Variants in GNAS observed in about 807,000 individuals in gnomAD.
GNAS encodes the protein GNAS complex locus, also known as protein ALEX.
In GNAS, 8 loss-of-function variants were observed where a neutral mutation model predicts 54.5. That is an observed-to-expected ratio of 0.15 (90% CI 0.09 to 0.26). GNAS has a LOEUF of 0.26. Ranked by LOEUF, GNAS falls within the 10% of genes least tolerant of loss-of-function variation. GNAS has a pLI of 1.00. For missense variants in GNAS, 170 were observed against 529.8 expected (o/e 0.32, Z 6.67); for synonymous variants, 204 against 191.4 (o/e 1.07, Z -0.54).
At chr20:58,874,430 A>G (rs899673536) in intron 1 of GNAS, among the ~76,000 whole-genome samples, 2 of 152,230 alleles carry the variant, frequency 1.3e-5, no homozygotes, top group African/African-American at 4.8e-5. Context: ...GAAATCTTCT[A>G]TGTCTAGGAT....
chr20:58,889,073 G>T (rs1406078397), upstream of GNAS: 160 of 1,018,848 alleles, frequency 1.6e-4, no homozygotes, highest in Non-Finnish European at 1.9e-4. Context: ...CCGATTTTTC[G>T]CGCTTCCCCT....
intron 2 of GNAS, 47 bp downstream of exon 2, chr20:58,895,731 C>T (rs1454624433): frequency 9.4e-7 from 1 of 1,066,118 alleles, no homozygotes; most frequent in Admixed American, 1.7e-5. Flanking sequence ...GAGGAACAGA[C>T]TTTATACTAA....
chr20:58,904,181 A>G (rs1056231245), intron 5 of GNAS, among the ~76,000 whole-genome samples: 7 of 152,180 alleles, frequency 4.6e-5, no homozygotes, highest in East Asian at 3.8e-4. Context: ...ACAAAACTGT[A>G]TGTTAAATAT....
chr20:58,876,154 A>G (rs2087799374), intron 1 of GNAS, among the ~76,000 whole-genome samples: 1 of 152,226 alleles, frequency 6.6e-6, no homozygotes, highest in African/African-American at 2.4e-5. Flanking sequence ...ATACTCTTAT[A>G]GAAACCCAAA....
Position 58,855,843 on chromosome 20 carries a change from T to C in GNAS, c.43+14957T>C, listed in dbSNP as rs550496240. The C allele has an allele frequency of 3.2e-4, 188 of 585,954 alleles. 3 individuals carry two copies. In the South Asian group the frequency reaches 3.8e-3, roughly 12 times the overall value. 36.3% of individuals were successfully genotyped at this position (585,954 alleles called of 1,614,324 possible). A position where few individuals can be genotyped will look rare whatever the true frequency, so the allele number is the denominator to read the frequency against. ...TTCGCCTGTGCATGATACGCTGAAG[T>C]GTCCCCTGTTCCTATCCCGGCACCC... On this transcript the variant is annotated intron_variant, in intron 1 of 12. Coordinates refer to the GNAS transcript ENST00000306090.
intron 1 of GNAS, among the ~76,000 whole-genome samples, chr20:58,875,942 C>A (rs1180817059): frequency 1.3e-5 from 2 of 152,212 alleles, no homozygotes; most frequent in African/African-American, 4.8e-5. Flanking sequence ...AATAAGCCAG[C>A]AGCAAAACAA....
At chr20:58,882,445 T>C (rs544054373) in intron 1 of GNAS, among the ~76,000 whole-genome samples, 2 of 152,342 alleles carry the variant, frequency 1.3e-5, no homozygotes, top group South Asian at 2.1e-4. Context: ...TCCGTGCTTG[T>C]GGCAAAAGGC....
upstream of GNAS, chr20:58,889,136 T>C (rs1378438969): frequency 2.5e-6 from 3 of 1,197,208 alleles, no homozygotes; most frequent in South Asian, 1.4e-5. Flanking sequence ...GGCTGGGGCG[T>C]CATCGGGGCC....
intron 1 of GNAS, chr20:58,892,166 T>C (rs1417739277): frequency 3.1e-5 from 30 of 959,706 alleles, no homozygotes; most frequent in Non-Finnish European, 3.7e-5. Flanking sequence ...TCTTTCTCTC[T>C]TTCTCTCTTT....
rs2091407918 is a variant in GNAS, at chr20:58,911,078, T to C, written c.*249T>C. 4 of 644,988 alleles carry C rather than the reference T, an allele frequency of 6.2e-6. No individual in the cohort carries two copies. The highest frequency in any genetic ancestry group is 8.5e-6 in the Non-Finnish European group (3 of 352,388). The allele number at this position is 644,988 out of a possible 1,614,324, so 40.0% of individuals were successfully genotyped here. A position where few individuals can be genotyped will look rare whatever the true frequency, so the allele number is the denominator to read the frequency against. On this transcript the variant is annotated 3_prime_UTR_variant, in exon 13 of 13. Transcript: ENST00000371085. Reference sequence around the variant, plus strand: ...AGTTCCCTCTCACTTTCAGTAAAAATAAATAAAACAGCAGCAGCAAACAAA... The same window carrying C: ...AGTTCCCTCTCACTTTCAGTAAAAACAAATAAAACAGCAGCAGCAAACAAA...
chr20:58,860,477 C>T (rs35113254), intron 1 of GNAS, among the ~76,000 whole-genome samples: 43,822 of 151,788 alleles, frequency 0.29, 8,069 homozygotes, highest in African/African-American at 0.52. Flanking sequence ...ATAAGTATAG[C>T]GTTAGAATGT....
chr20:58,873,670 G>A lies in GNAS; in HGVS notation c.44-21942G>A, dbSNP rs116445766. On this transcript the variant is annotated intron_variant, in intron 1 of 12. Coordinates refer to the GNAS transcript ENST00000306090. This position sits in a 1 kb window ranked among gnomAD's most constrained non-coding sequence, Gnocchi z 4.3. ...CCTTAGAAGGACGAATCCTTGCCTG[G>A]TCGGTGAGTTTGCCTCAATTCGGGC... Among the ~76,000 whole-genome samples, 1,331 of 152,282 alleles carry A rather than the reference G, an allele frequency of 8.7e-3. 18 individuals are homozygous for A. Among genetic ancestry groups the A allele is most frequent in the African/African-American group, 0.03 (1,256 of 41,548 alleles).
chr20:58,894,965 G>T (rs149691230), intron 1 of GNAS, among the ~76,000 whole-genome samples: 1,787 of 152,294 alleles, frequency 0.012, 36 homozygotes, highest in African/African-American at 0.041. Context: ...TCTTTAGAAA[G>T]ATATAGTTTG....
In GNAS at chr20:58,910,118, C is replaced by T. The variant is rs1446944041; in HGVS notation, c.970+37C>T. On this transcript the variant is annotated intron_variant, in intron 11 of 12. Coordinates refer to ENST00000371085, the MANE Select transcript of GNAS (RefSeq NM_000516.7). This position sits in a 1 kb window ranked among gnomAD's most constrained non-coding sequence, Gnocchi z 5.8. The stretch of plus-strand genomic sequence containing the variant: ...TTCCACTCTTGCTGGCTGTTCATTG[C>T]GGTGGTTCTTTTTCAAACGGTCAGG... 6.2e-6 allele frequency: 10 copies of T among 1,606,692 alleles called. No individual in the cohort carries two copies. Among genetic ancestry groups the T allele is most frequent in the African/African-American group, 2.7e-5 (2 of 74,720 alleles).
At chr20:58,855,194 G>A (rs750016628) in intron 1 of GNAS, 3 of 1,605,312 alleles carry the variant, frequency 1.9e-6, no homozygotes, top group Admixed American at 1.7e-5. Flanking sequence ...CCCTGGCGGA[G>A]AAGCGCAGAC....
intron 1 of GNAS, chr20:58,855,251 G>A (rs1232296238): frequency 6.3e-7 from 1 of 1,590,326 alleles, no homozygotes; most frequent in Non-Finnish European, 8.6e-7. Flanking sequence ...AGCGCGCAGA[G>A]AAGAAACGCA....
In GNAS at chr20:58,857,969, G is replaced by A. The variant is rs978589948; in HGVS notation, c.43+17083G>A. Among the ~76,000 whole-genome samples, 1 of 152,176 alleles carries A rather than the reference G, an allele frequency of 6.6e-6. No homozygotes were observed. The highest frequency in any genetic ancestry group is 6.5e-5 in the Admixed American group (1 of 15,282). ...AAACCATGGGCCATGTCTAACATAA[G>A]CCTGAAATATGATAGCCAGTGTTAG... On this transcript the variant is annotated intron_variant, in intron 1 of 12. Transcript: ENST00000306090. This position sits in a 1 kb window ranked among gnomAD's most constrained non-coding sequence, Gnocchi z 4.1.
Position 58,910,543 on chromosome 20 carries a change from C to G in GNAS, c.1039-140C>G. ...CGCACATCCAGTGTGGATTTGAGCTCTTTGCGCCCCTCTTTTTGCTTTTGT... is the reference window on the plus strand; with the variant it reads ...CGCACATCCAGTGTGGATTTGAGCTGTTTGCGCCCCTCTTTTTGCTTTTGT... On this transcript the variant is annotated intron_variant, in intron 12 of 12. Transcript: ENST00000371085. This position sits in a 1 kb window ranked among gnomAD's most constrained non-coding sequence, Gnocchi z 5.8. The G allele has an allele frequency of 8.4e-7, 1 of 1,197,422 alleles. No homozygotes were observed. Among genetic ancestry groups the G allele is most frequent in the Non-Finnish European group, 1.2e-6 (1 of 813,248 alleles). 74.2% of individuals were successfully genotyped at this position (1,197,422 alleles called of 1,614,324 possible).
intron 1 of GNAS, among the ~76,000 whole-genome samples, chr20:58,858,345 C>T (rs2086602385): frequency 6.6e-6 from 1 of 152,032 alleles, no homozygotes; most frequent in African/African-American, 2.4e-5. Context: ...AATTTAATCT[C>T]ATTACAGGGA....
Sources: allele counts gnomAD v4.1 joint callset (sites outside exome capture counted in the v4.1 genomes callset), GRCh38; gene constraint gnomAD v4.1.1; non-coding constraint Gnocchi (gnomAD v3.1); transcripts MANE v1.5; gene names NCBI Gene and HGNC (gene_info 2026-07-23, HGNC 2026-07-21).